Variants in RAD51B observed in about 807,000 individuals in gnomAD.
RAD51B encodes the protein RAD51 paralog B, also known as DNA repair protein RAD51 homolog 2.
Under a neutral mutation model 42.2 loss-of-function variants are expected in RAD51B, and 38 were observed. That is an observed-to-expected ratio of 0.90 (90% CI 0.70 to 1.18). The LOEUF (loss-of-function observed/expected upper bound fraction) is 1.18, where lower values mean the gene tolerates loss of function less well. RAD51B is among the 50% of genes most tolerant of loss of function. The probability of loss-of-function intolerance (pLI) is 0.00; values close to 1 mark genes in which losing one functional copy is unlikely to be tolerated. For synonymous variants in RAD51B, 154 were observed against 145.2 expected, an observed-to-expected ratio of 1.06 and a Z score of -0.43; for missense variants, 373 against 400.7, an observed-to-expected ratio of 0.93 and a Z score of 0.59.
chr14:68,417,238 C>T (rs1462557647), intron 9 of RAD51B, among the ~76,000 whole-genome samples: 1 of 152,156 alleles, frequency 6.6e-6, no homozygotes, highest in Non-Finnish European at 1.5e-5. Context: ...CTCCAGCTCA[C>T]CTGCTGTTTT....
At chr14:68,349,540 A>G (rs1021646609) in intron 8 of RAD51B, among the ~76,000 whole-genome samples, 2 of 151,952 alleles carry the variant, frequency 1.3e-5, no homozygotes, top group South Asian at 4.2e-4. Context: ...TAATTTCTGT[A>G]TTTTCAGTAG....
intron 11 of RAD51B, among the ~76,000 whole-genome samples, chr14:68,673,682 T>A (rs2140157072): frequency 6.7e-6 from 1 of 150,040 alleles, no homozygotes; most frequent in East Asian, 1.9e-4. Flanking sequence ...CACACATATG[T>A]ATATGTGCAC....
chr14:68,243,172 C>T (rs1329410610), intron 7 of RAD51B, among the ~76,000 whole-genome samples: 2 of 152,098 alleles, frequency 1.3e-5, no homozygotes, highest in Non-Finnish European at 2.9e-5. Context: ...GAAATCGATA[C>T]CCGTTGCCTT....
intron 10 of RAD51B, among the ~76,000 whole-genome samples, chr14:68,633,450 G>A (rs1257071587): frequency 6.6e-6 from 1 of 151,944 alleles, no homozygotes; most frequent in Admixed American, 6.6e-5. Flanking sequence ...TTCCCCCCAC[G>A]ATGTATAACA....
chr14:68,238,663 C>T (rs989035118), intron 7 of RAD51B, among the ~76,000 whole-genome samples: 6 of 152,214 alleles, frequency 3.9e-5, no homozygotes, highest in African/African-American at 1.4e-4. Flanking sequence ...CCTTACTCAT[C>T]ACTGTAACAC....
intron 7 of RAD51B, among the ~76,000 whole-genome samples, chr14:68,153,091 A>T (rs1374325603): frequency 1.3e-5 from 2 of 152,142 alleles, no homozygotes; most frequent in Non-Finnish European, 2.9e-5. Flanking sequence ...TGGTAGAATG[A>T]TTTATATTCC....
chr14:68,000,067 C>G (rs778468855), intron 7 of RAD51B, among the ~76,000 whole-genome samples: 2 of 151,978 alleles, frequency 1.3e-5, no homozygotes, highest in African/African-American at 2.4e-5. Context: ...AAAAAAAGAA[C>G]AAACAGAAAG....
At chr14:68,479,968 T>C (rs1883044025), downstream of RAD51B, among the ~76,000 whole-genome samples, 2 of 152,184 alleles carry the variant, frequency 1.3e-5, no homozygotes. Flanking sequence ...ATTACAGGCA[T>C]GAGCCACCGC....
At chr14:68,405,657 G>A (rs899014124) in intron 8 of RAD51B, among the ~76,000 whole-genome samples, 1 of 151,736 alleles carries the variant, frequency 6.6e-6, no homozygotes, top group African/African-American at 2.4e-5. Context: ...CTTAAGACTT[G>A]GGTTTACCTG....
At chr14:68,665,385 G>A (rs1893012052) in intron 11 of RAD51B, among the ~76,000 whole-genome samples, 1 of 152,248 alleles carries the variant, frequency 6.6e-6, no homozygotes. Context: ...ATGATTTATG[G>A]TTTAGGCCAG....
downstream of RAD51B, among the ~76,000 whole-genome samples, chr14:68,613,716 A>T (rs1566955606): frequency 6.6e-6 from 1 of 152,014 alleles, no homozygotes; most frequent in Non-Finnish European, 1.5e-5. Context: ...GACCTCCCAA[A>T]GTGCTGGGAT....
intron 10 of RAD51B, chr14:68,562,971 A>G (rs1429882522): frequency 1.0e-6 from 1 of 985,428 alleles, no homozygotes; most frequent in Non-Finnish European, 1.2e-6. Flanking sequence ...TGCTCCACGG[A>G]AGGCCCGGGC....
At chr14:68,194,927 TAGAA>T in intron 7 of RAD51B, among the ~76,000 whole-genome samples, 1 of 152,322 alleles carries the variant, frequency 6.6e-6, no homozygotes, top group South Asian at 2.1e-4. Context: ...TTAAGAACTA[TAGAA>T]CACTTTATTT....
At chr14:68,099,037 C>T (rs761682991) in intron 7 of RAD51B, among the ~76,000 whole-genome samples, 1 of 152,178 alleles carries the variant, frequency 6.6e-6, no homozygotes, top group Non-Finnish European at 1.5e-5. Flanking sequence ...ACCATGCAGT[C>T]TGTTCTTTTT....
intron 7 of RAD51B, among the ~76,000 whole-genome samples, chr14:68,215,703 C>G (rs2079801038): frequency 6.6e-6 from 1 of 152,206 alleles, no homozygotes; most frequent in Non-Finnish European, 1.5e-5. Flanking sequence ...CACTGGCTGC[C>G]TAGTAGCTGA....
intron 7 of RAD51B, among the ~76,000 whole-genome samples, chr14:68,161,326 A>G (rs1566693619): frequency 6.6e-6 from 1 of 152,174 alleles, no homozygotes; most frequent in African/African-American, 2.4e-5. Flanking sequence ...GTGTAGTAGC[A>G]CCAGGTGTAT....
intron 9 of RAD51B, among the ~76,000 whole-genome samples, chr14:68,418,436 T>C (rs1361688169): frequency 2.6e-5 from 4 of 152,198 alleles, no homozygotes; most frequent in Non-Finnish European, 4.4e-5. Context: ...CCTCTGTTGT[T>C]CTCCTCCAGC....
chr14:68,355,750 C>T (rs1489890843), intron 8 of RAD51B, among the ~76,000 whole-genome samples: 1 of 152,186 alleles, frequency 6.6e-6, no homozygotes, highest in African/African-American at 2.4e-5. Flanking sequence ...GTGAGCAACT[C>T]TCCAGATCAC....
chr14:67,868,516 C>T (rs2042405784), intron 5 of RAD51B, among the ~76,000 whole-genome samples: 1 of 152,178 alleles, frequency 6.6e-6, no homozygotes, highest in Non-Finnish European at 1.5e-5. Flanking sequence ...GGGAGGGGCA[C>T]CCGCCATTGC....
Sources: gnomAD v4.1 joint callset for allele counts (sites outside exome capture counted in the v4.1 genomes callset) on GRCh38, gnomAD v4.1.1 for gene constraint, MANE v1.5 for transcripts, NCBI Gene and HGNC (gene_info 2026-07-23, HGNC 2026-07-21) for gene names.